Variants in KLHL29 observed in about 807,000 individuals in gnomAD.
KLHL29 encodes kelch like family member 29.
KLHL29 carries 21 observed loss-of-function variants against 80.4 expected under a neutral mutation model. The ratio of observed to expected loss-of-function variants is 0.26; its 90% confidence interval spans 0.19 to 0.38. The LOEUF (loss-of-function observed/expected upper bound fraction) is 0.38, where lower values mean the gene tolerates loss of function less well. Ranked by LOEUF, KLHL29 falls within the 10% of genes least tolerant of loss-of-function variation. KLHL29 has a pLI of 1.00. For missense variants in KLHL29, 867 were observed against 1,223.9 expected (o/e 0.71, Z 4.35); for synonymous variants, 511 against 526.8 (o/e 0.97, Z 0.41).
chr2:23,536,914 A>T lies in KLHL29; in HGVS notation c.-45-25238A>T, dbSNP rs62125420. Among the ~76,000 whole-genome samples the T allele has an allele frequency of 3.5e-4, 25 of 72,406 alleles. No homozygotes were observed. In the South Asian group the frequency reaches 5.3e-3, roughly 15 times the overall value. 47.5% of individuals were successfully genotyped at this position (72,406 alleles called of 152,430 possible). The stretch of plus-strand genomic sequence containing the variant: ...CTCACACACACACACACACACACAC[A>T]CACACTCTCTCTCTCCCTCTCTCGC... On this transcript the variant is annotated intron_variant, in intron 2 of 13. Coordinates refer to ENST00000486442, the MANE Select transcript of KLHL29 (RefSeq NM_052920.2).
chr2:23,557,251 A>C (rs886785023), intron 2 of KLHL29, among the ~76,000 whole-genome samples: 1 of 152,052 alleles, frequency 6.6e-6, no homozygotes, highest in African/African-American at 2.4e-5. Context: ...CTTGTGACAC[A>C]CTGGCTCGGT....
At chr2:23,650,022 G>A (rs1315998391) in intron 5 of KLHL29, among the ~76,000 whole-genome samples, 1 of 152,222 alleles carries the variant, frequency 6.6e-6, no homozygotes, top group East Asian at 1.9e-4. Context: ...CAGAGCCCAC[G>A]TGTGGCTTCT....
rs544108404 is a variant in KLHL29, at chr2:23,515,305, C to T, written c.-46+39638C>T. On this transcript the variant is annotated intron_variant, in intron 2 of 13. Coordinates refer to ENST00000486442, the MANE Select transcript of KLHL29 (RefSeq NM_052920.2). ...AGCCTCTGACCCCCACTCCCACAAC[C>T]TCTACTCCCCAACTTGCTCATTTAC... 5.9e-5 allele frequency among the ~76,000 whole-genome samples: 9 copies of T among 152,316 alleles called. No homozygotes were observed. The South Asian group carries it at 1.9e-3, about 32-fold the overall frequency.
intron 1 of KLHL29, among the ~76,000 whole-genome samples, chr2:23,415,136 G>A (rs1361380289): frequency 2.6e-5 from 4 of 152,164 alleles, no homozygotes; most frequent in Admixed American, 6.5e-5. Context: ...GCAGTTCTGC[G>A]CTCTCCCCAC....
At chr2:23,687,220 C>A (rs1006286367) in intron 6 of KLHL29, among the ~76,000 whole-genome samples, 4 of 147,168 alleles carry the variant, frequency 2.7e-5, no homozygotes, top group African/African-American at 7.5e-5. Flanking sequence ...CTGGTGTAGA[C>A]CTCCGTGGGG....
chr2:23,387,362 C>G (rs1416490679), intron 1 of KLHL29, among the ~76,000 whole-genome samples: 1 of 152,176 alleles, frequency 6.6e-6, no homozygotes, highest in Non-Finnish European at 1.5e-5. Context: ...GTTTCAGTCT[C>G]TTTAAAGTCA....
chr2:23,476,990 C>T (rs571739597), intron 2 of KLHL29, among the ~76,000 whole-genome samples: 28 of 152,378 alleles, frequency 1.8e-4, no homozygotes, highest in Non-Finnish European at 3.7e-4. Flanking sequence ...AGGAGCTGGG[C>T]CTGGAATGAA....
chr2:23,581,685 G>A (rs1476996444), intron 3 of KLHL29, among the ~76,000 whole-genome samples: 14 of 151,930 alleles, frequency 9.2e-5, no homozygotes, highest in Admixed American at 1.3e-4. Flanking sequence ...AAAAGTAGCC[G>A]GGCGTGGTAG....
At chr2:23,417,544 T>C (rs1034346520) in intron 1 of KLHL29, among the ~76,000 whole-genome samples, 5 of 152,188 alleles carry the variant, frequency 3.3e-5, no homozygotes, top group African/African-American at 1.2e-4. Context: ...ATCCCCACTT[T>C]CCTGATGGAG....
chr2:23,607,936 C>T (rs1022994835), intron 3 of KLHL29, among the ~76,000 whole-genome samples: 1 of 151,968 alleles, frequency 6.6e-6, no homozygotes, highest in African/African-American at 2.4e-5. Context: ...GAGCAAGCCT[C>T]TGTCATCATG....
At chr2:23,507,015 A>C (rs1038322160) in intron 2 of KLHL29, 1 of 341,472 alleles carries the variant, frequency 2.9e-6, no homozygotes, top group Non-Finnish European at 6.6e-6. Flanking sequence ...GTCTTTTTAT[A>C]GAATGCAGAA....
At position 23,447,581 on chromosome 2, in the gene KLHL29, A is replaced by G. The variant is rs17045347; in HGVS notation, c.-153-27979A>G. ...CTGCTGCATCTTCCTAACGCTGATA[A>G]TGGCCTTGGCTGAGGCCCAGTTGTC... On this transcript the variant is annotated intron_variant, in intron 1 of 13. Coordinates refer to ENST00000486442, the MANE Select transcript of KLHL29 (RefSeq NM_052920.2). Among the ~76,000 whole-genome samples the G allele has an allele frequency of 9.1e-3, 1,386 of 152,322 alleles. 23 individuals carry two copies. The highest frequency in any genetic ancestry group is 0.032 in the African/African-American group (1,341 of 41,572).
At chr2:23,467,948 G>A (rs2103432933) in intron 1 of KLHL29, among the ~76,000 whole-genome samples, 1 of 152,024 alleles carries the variant, frequency 6.6e-6, no homozygotes, top group African/African-American at 2.4e-5. Flanking sequence ...GGTGGTGGAA[G>A]AGAAGGCTCC....
chr2:23,501,456 C>T (rs73919716), intron 2 of KLHL29, among the ~76,000 whole-genome samples: 14 of 152,234 alleles, frequency 9.2e-5, no homozygotes, highest in African/African-American at 3.4e-4. Context: ...ATAGCATGGG[C>T]ATCGAGGACA....
intron 1 of KLHL29, among the ~76,000 whole-genome samples, chr2:23,419,820 C>T (rs1479413390): frequency 6.6e-6 from 1 of 152,058 alleles, no homozygotes; most frequent in Non-Finnish European, 1.5e-5. Context: ...CGATTCTGTT[C>T]CTGGCTCATA....
chr2:23,556,307 G>C (rs761731537), intron 2 of KLHL29, among the ~76,000 whole-genome samples: 1 of 152,092 alleles, frequency 6.6e-6, no homozygotes, highest in African/African-American at 2.4e-5. Context: ...TCGCGGAGGC[G>C]CAGGCGTGGT....
In KLHL29 at chr2:23,503,022, C is replaced by T. The variant is rs1457037448; in HGVS notation, c.-46+27355C>T. Among the ~76,000 whole-genome samples the T allele has an allele frequency of 6.6e-6, 1 of 152,028 alleles. No homozygotes were observed. Among genetic ancestry groups the T allele is most frequent in the African/African-American group, 2.4e-5 (1 of 41,392 alleles). ...CTGTCTTACCTACAGTTGTATTTTC[C>T]TCTTTAATCATAAGGATTTACATCA... is the stretch of plus-strand genomic sequence containing the variant. On this transcript the variant is annotated intron_variant, in intron 2 of 13. Coordinates refer to ENST00000486442, the MANE Select transcript of KLHL29 (RefSeq NM_052920.2). This position sits in a 1 kb window ranked among gnomAD's most constrained non-coding sequence, Gnocchi z 4.0.
At chr2:23,439,037 G>T (rs2103413469) in intron 1 of KLHL29, among the ~76,000 whole-genome samples, 1 of 149,112 alleles carries the variant, frequency 6.7e-6, no homozygotes, top group South Asian at 2.2e-4. Flanking sequence ...GTTTAGTCTT[G>T]GGAGAGTGTA....
At chr2:23,599,951 C>T (rs547458232) in intron 3 of KLHL29, among the ~76,000 whole-genome samples, 2 of 152,282 alleles carry the variant, frequency 1.3e-5, no homozygotes, top group South Asian at 4.2e-4. Flanking sequence ...AGGCCCAAGC[C>T]CCCCATCCCC....
Sources: gnomAD v4.1 joint callset for allele counts (sites outside exome capture counted in the v4.1 genomes callset) on GRCh38, gnomAD v4.1.1 for gene constraint, Gnocchi (gnomAD v3.1) non-coding constraint, MANE v1.5 for transcripts, NCBI Gene and HGNC (gene_info 2026-07-23, HGNC 2026-07-21) for gene names.